EWSR1: variants seen among roughly 807,000 people sequenced by gnomAD.
EWSR1 encodes EWS RNA binding protein 1, also known as RNA-binding protein EWS.
In EWSR1, 14 loss-of-function variants were observed where a neutral mutation model predicts 92.1. That is an observed-to-expected ratio of 0.15 (90% CI 0.10 to 0.24). The LOEUF is 0.24. EWSR1 is among the 10% of genes least tolerant of loss of function. EWSR1 has a pLI of 1.00. For synonymous variants in EWSR1, 303 were observed against 292.9 expected (o/e 1.03, Z -0.35); for missense variants, 637 against 870.9 (o/e 0.73, Z 3.38).
intron 11 of EWSR1, 151 bp downstream of exon 11, chr22:29,292,757 T>C (rs2147575366): frequency 4.1e-6 from 2 of 484,574 alleles, no homozygotes; most frequent in Non-Finnish European, 3.6e-6. Flanking sequence ...TTAAAAAAGA[T>C]TAGCCTTTTT....
rs1311155380 is a variant in EWSR1, at chr22:29,293,352, C to T, written c.1164+746C>T. Among the ~76,000 whole-genome samples the T allele has an allele frequency of 2.6e-5, 4 of 152,220 alleles. No homozygotes were observed. In the East Asian group the frequency reaches 5.8e-4, roughly 22 times the overall value. ...TATGCTAATTCTTCATAGCTAGTAA[C>T]GCAGATTTTTTCTTCAGGGATTTTG... On this transcript the variant is annotated intron_variant, in intron 11 of 16. Coordinates refer to ENST00000397938, the MANE Select transcript of EWSR1 (RefSeq NM_005243.4).
chr22:29,282,075 A>C (rs2059652203), intron 5 of EWSR1, among the ~76,000 whole-genome samples: 1 of 152,176 alleles, frequency 6.6e-6, no homozygotes, highest in South Asian at 2.1e-4. Flanking sequence ...GATCACCTAA[A>C]CTGGTAGCAC....
rs772391489 is a variant in EWSR1, at chr22:29,286,991, C to T, written c.650C>T (p.Pro217Leu). The T allele has an allele frequency of 5.6e-6, 9 of 1,613,586 alleles. No individual in the cohort carries two copies. The highest frequency in any genetic ancestry group is 3.3e-5 in the South Asian group (3 of 91,052). ...TCTCAGCAGAACACCTATGGGCAAC[C>T]GAGCAGCTATGGACAGCAGAGTAGC... is the stretch of plus-strand genomic sequence containing the variant. The part of the protein sequence containing the change: ...SYSQQNTYGQ[P>L]SSYGQQSSYG... The change falls in exon 7 of 17, where the codon CCG becomes CTG. Residue 217 changes from proline (P) to leucine (L), a missense_variant. Pro to Leu is a moderately conservative substitution (Grantham distance 98). Transcript: ENST00000397938.
At chr22:29,278,824 CAA>C (rs528971696) in intron 5 of EWSR1, among the ~76,000 whole-genome samples, 1 of 141,272 alleles carries the variant, frequency 7.1e-6, no homozygotes, top group Non-Finnish European at 1.5e-5. Flanking sequence ...GACTCGGTCT[CAA>C]AAAAAAAAAA....
chr22:29,280,843 T>TG (rs2059512420), intron 5 of EWSR1, among the ~76,000 whole-genome samples: 3 of 144,282 alleles, frequency 2.1e-5, no homozygotes, highest in Non-Finnish European at 4.6e-5. Flanking sequence ...CCAGCTAATT[T>TG]TGTGTGTGTG....
intron 5 of EWSR1, among the ~76,000 whole-genome samples, chr22:29,279,500 A>G (rs1319031747): frequency 2.0e-5 from 3 of 152,252 alleles, no homozygotes; most frequent in African/African-American, 7.2e-5. Context: ...CTCATACCCC[A>G]TGACTGGTTA....
chr22:29,297,239 C>T (rs1342604737), intron 12 of EWSR1, among the ~76,000 whole-genome samples: 3 of 152,180 alleles, frequency 2.0e-5, no homozygotes, highest in Non-Finnish European at 4.4e-5. Context: ...CAACCTCCAC[C>T]TCCCAGGTTC....
At chr22:29,286,239 C>G (rs950477916) in intron 6 of EWSR1, among the ~76,000 whole-genome samples, 1 of 152,102 alleles carries the variant, frequency 6.6e-6, no homozygotes, top group Non-Finnish European at 1.5e-5. Flanking sequence ...CAAACTCCAC[C>G]TCCCGGGTTC....
intron 14 of EWSR1, 62 bp from the exon 15 acceptor site, chr22:29,299,172 C>T (rs757562849): frequency 1.2e-6 from 2 of 1,613,498 alleles, no homozygotes; most frequent in Non-Finnish European, 1.7e-6. Context: ...CACACACCAC[C>T]TTTCCTTGTT....
chr22:29,275,786 A>G (rs554846780), intron 4 of EWSR1: 20 of 230,466 alleles, frequency 8.7e-5, no homozygotes, highest in South Asian at 5.4e-4. Flanking sequence ...CCTCAATTCA[A>G]TGGAATTCTT....
intron 11 of EWSR1, 77 bp downstream of exon 11, chr22:29,292,683 A>G (rs771124207): frequency 6.9e-5 from 64 of 926,102 alleles, no homozygotes; most frequent in Non-Finnish European, 1.0e-4. Flanking sequence ...ATTGATGTTG[A>G]GAGTTGTTTT....
chr22:29,300,382 AAGACTTT>A lies in EWSR1; in HGVS notation c.*223_*229del, dbSNP rs2061256797. On this transcript the variant is annotated 3_prime_UTR_variant, in exon 17 of 17. Coordinates refer to ENST00000397938, the MANE Select transcript of EWSR1 (RefSeq NM_005243.4). ...TTCCTTCTTTTAAAAATGGTTGTTT[AAGACTTT>A]AACAATGGGAACCCCTTGTGAGCAT... The A allele has an allele frequency of 2.0e-6, 1 of 496,240 alleles. No homozygotes were observed. The highest frequency in any genetic ancestry group is 3.6e-5 in the Admixed American group (1 of 27,452). 30.7% of individuals were successfully genotyped at this position (496,240 alleles called of 1,614,324 possible).
chr22:29,295,685 G>T, intron 11 of EWSR1: 1 of 222,706 alleles, frequency 4.5e-6, no homozygotes, highest in Admixed American at 5.7e-5. Flanking sequence ...ATGCAAAAAA[G>T]TACACGTGAA....
chr22:29,286,712 A>T lies in EWSR1; in HGVS notation c.582-211A>T, dbSNP rs5997462. 0.22 allele frequency among the ~76,000 whole-genome samples: 27,091 copies of T among 121,204 alleles called. 3,002 individuals carry two copies. The highest frequency in any genetic ancestry group is 0.4 in the East Asian group (1,737 of 4,342). The allele number at this position is 121,204 out of a possible 152,430, so 79.5% of individuals were successfully genotyped here. A position where few individuals can be genotyped will look rare whatever the true frequency, so the allele number is the denominator to read the frequency against. On this transcript the variant is annotated intron_variant, in intron 6 of 16. Coordinates refer to ENST00000397938, the MANE Select transcript of EWSR1 (RefSeq NM_005243.4). ...AAAAAAAAAAAAAAAAAAAAAAAAA[A>T]TTTTTTTGTTTTACCCTCCCATTTA...
intron 4 of EWSR1, chr22:29,277,352 T>A (rs2059200453): frequency 4.4e-6 from 1 of 224,788 alleles, no homozygotes; most frequent in Admixed American, 5.7e-5. Context: ...TTTTAAATGT[T>A]TGTTTGGAGC....
In EWSR1 at chr22:29,291,667, A is replaced by AT. The variant is rs1196540704; in HGVS notation, c.1012+75dup. The AT allele has an allele frequency of 4.0e-5, 57 of 1,420,880 alleles. No individual in the cohort carries two copies. In the South Asian group the frequency reaches 5.1e-4, roughly 13 times the overall value. The allele number at this position is 1,420,880 out of a possible 1,614,324, so 88.0% of individuals were successfully genotyped here. On this transcript the variant is annotated intron_variant, in intron 9 of 16. Transcript: ENST00000397938. The stretch of plus-strand genomic sequence containing the variant: ...TGCAGTCAGTTTTTAGAAAACTATA[A>AT]TTTTTTTATTAGTTTCATAAGTGGT...
chr22:29,281,251 G>T (rs1469458191), intron 5 of EWSR1, among the ~76,000 whole-genome samples: 1 of 152,112 alleles, frequency 6.6e-6, no homozygotes, highest in Admixed American at 6.5e-5. Context: ...CTGACATCAT[G>T]CAATCCACCT....
intron 11 of EWSR1, 73 bp from the exon 12 acceptor site, chr22:29,296,166 G>C: frequency 2.0e-6 from 3 of 1,487,104 alleles, no homozygotes; most frequent in Non-Finnish European, 2.7e-6. Flanking sequence ...TACTTTTCCT[G>C]GATTTTGCCT....
intron 9 of EWSR1, 126 bp from the exon 10 acceptor site, chr22:29,292,011 G>A (rs2060475811): frequency 1.2e-6 from 1 of 853,396 alleles, no homozygotes; most frequent in Non-Finnish European, 2.0e-6. Context: ...TAGCAGTGCG[G>A]GTCATTTTGA....
Sources: gnomAD v4.1 joint callset for allele counts (sites outside exome capture counted in the v4.1 genomes callset) on GRCh38, gnomAD v4.1.1 for gene constraint, MANE v1.5 for transcripts, NCBI Gene and HGNC (gene_info 2026-07-23, HGNC 2026-07-21) for gene names.